Variants in TMEM248 observed in about 807,000 individuals in gnomAD.
The protein encoded by TMEM248 is transmembrane protein 248.
A neutral mutation model predicts 30.3 loss-of-function variants in TMEM248; 9 were observed. The observed-to-expected ratio is 0.30, with a 90% CI of 0.18 to 0.52. TMEM248 has a LOEUF of 0.52. TMEM248 is among the 20% of genes least tolerant of loss of function. The pLI, the probability that TMEM248 is intolerant of heterozygous loss-of-function variation, is 0.97. For missense variants in TMEM248, 338 were observed against 403.3 expected (o/e 0.84, Z 1.39); for synonymous variants, 184 against 154.4 (o/e 1.19, Z -1.42).
chr7:66,955,878 G>A lies in TMEM248; in HGVS notation c.*356G>A. The A allele has an allele frequency of 4.0e-6, 1 of 252,598 alleles. No individual in the cohort carries two copies. 15.6% of individuals were successfully genotyped at this position (252,598 alleles called of 1,614,324 possible). A position where few individuals can be genotyped will look rare whatever the true frequency, so the allele number is the denominator to read the frequency against. ...TCACAGGAGCATTGCGTCGCTGATG[G>A]GGTTGAAGTTTGGTTTGGTTCTTGT... On this transcript the variant is annotated 3_prime_UTR_variant, in exon 7 of 7. Coordinates refer to ENST00000341567, the MANE Select transcript of TMEM248 (RefSeq NM_017994.5).
At position 66,957,892 on chromosome 7, in the gene TMEM248, G is replaced by A. The variant is rs1358235392; in HGVS notation, c.*2370G>A. On this transcript the variant is annotated 3_prime_UTR_variant, in exon 7 of 7. Coordinates refer to ENST00000341567, the MANE Select transcript of TMEM248 (RefSeq NM_017994.5). The stretch of plus-strand genomic sequence containing the variant: ...TAAAATCCAACATTCACCTAAGCAA[G>A]TAATTCTTAAAGATCTTACAGAAAC... 6.6e-6 allele frequency: 1 copy of A among 152,232 alleles called. No individual in the cohort carries two copies. The highest frequency in any genetic ancestry group is 2.4e-5 in the African/African-American group (1 of 41,460). The allele number at this position is 152,232 out of a possible 1,614,324, so 9.4% of individuals were successfully genotyped here.
intron 1 of TMEM248, among the ~76,000 whole-genome samples, chr7:66,938,425 T>C (rs954362928): frequency 7.9e-5 from 12 of 152,222 alleles, no homozygotes; most frequent in African/African-American, 2.4e-4. Context: ...AATCATTGAA[T>C]TGTATACTTT....
intron 6 of TMEM248, 68 bp downstream of exon 6, chr7:66,953,437 T>C: frequency 3.2e-6 from 5 of 1,561,932 alleles, no homozygotes; most frequent in South Asian, 1.2e-5. Flanking sequence ...GTCCCAGTTA[T>C]CCTTATTCTA....
At chr7:66,944,015 G>A (rs546474652) in intron 2 of TMEM248, among the ~76,000 whole-genome samples, 25 of 151,350 alleles carry the variant, frequency 1.7e-4, no homozygotes, top group African/African-American at 5.6e-4. Context: ...TGCTGGTCTC[G>A]AACTCCTGGC....
chr7:66,955,388 A>G, intron 6 of TMEM248, 114 bp from the exon 7 acceptor site: 1 of 1,211,244 alleles, frequency 8.3e-7, no homozygotes, highest in Non-Finnish European at 1.2e-6. Context: ...GGATTTAGTA[A>G]CTTCACTGTC....
chr7:66,951,268 G>C, intron 5 of TMEM248, 133 bp downstream of exon 5: 1 of 807,836 alleles, frequency 1.2e-6, no homozygotes, highest in Non-Finnish European at 1.8e-6. Flanking sequence ...TAGATTTCCA[G>C]GTGAGTTAGG....
At chr7:66,923,266 T>G (rs999961177) in intron 1 of TMEM248, among the ~76,000 whole-genome samples, 1 of 151,972 alleles carries the variant, frequency 6.6e-6, no homozygotes, top group African/African-American at 2.4e-5. Context: ...CTGCCTCAGC[T>G]GCCTGAGTAG....
At chr7:66,954,305 T>G (rs1033492545) in intron 6 of TMEM248, among the ~76,000 whole-genome samples, 3 of 152,178 alleles carry the variant, frequency 2.0e-5, no homozygotes, top group Non-Finnish European at 4.4e-5. Flanking sequence ...TTACAGTGTA[T>G]TTTTAAAACT....
chr7:66,945,786 A>G (rs542605616), intron 3 of TMEM248, among the ~76,000 whole-genome samples: 85 of 152,136 alleles, frequency 5.6e-4, no homozygotes, highest in African/African-American at 2.0e-3. Flanking sequence ...CCCCATCACT[A>G]CTAAAATACA....
intron 4 of TMEM248, among the ~76,000 whole-genome samples, chr7:66,948,933 A>G (rs1792186604): frequency 6.6e-6 from 1 of 152,208 alleles, no homozygotes; most frequent in Non-Finnish European, 1.5e-5. Context: ...TCGAGGCAGT[A>G]AAAGCACCTG....
chr7:66,924,074 G>GCTGATTGTCATTCCTGT (rs1456576411), intron 1 of TMEM248, among the ~76,000 whole-genome samples: 1 of 152,256 alleles, frequency 6.6e-6, no homozygotes, highest in African/African-American at 2.4e-5. Context: ...TGAAAAAGAT[G>GCTGATTGTCATTCCTGT]CTGATTGTCA....
intron 1 of TMEM248, among the ~76,000 whole-genome samples, chr7:66,929,886 C>T (rs943291127): frequency 6.6e-6 from 1 of 151,950 alleles, no homozygotes; most frequent in African/African-American, 2.4e-5. Flanking sequence ...AGGAGCTGGG[C>T]GCAGTGGCTC....
In TMEM248 at chr7:66,950,976, C is replaced by CA; in HGVS notation, c.622dup (p.Thr208AsnfsTer33). ...GACAGCCACCGCACTGTGTTCCTGACACGTACAGCAACGCCACGCTCTGGT... is the reference window on the plus strand; with the variant it reads ...GACAGCCACCGCACTGTGTTCCTGACAACGTACAGCAACGCCACGCTCTGGT... On this transcript the variant is annotated frameshift_variant, in exon 5 of 7. Coordinates refer to ENST00000341567, the MANE Select transcript of TMEM248 (RefSeq NM_017994.5). LOFTEE classifies it high-confidence loss of function. 1 of 1,603,746 alleles carries CA rather than the reference C, an allele frequency of 6.2e-7. No homozygotes were observed. The highest frequency in any genetic ancestry group is 8.5e-7 in the Non-Finnish European group (1 of 1,175,608).
chr7:66,942,117 C>A, intron 2 of TMEM248, 93 bp downstream of exon 2: 1 of 1,330,028 alleles, frequency 7.5e-7, no homozygotes, highest in Non-Finnish European at 1.0e-6. Flanking sequence ...TGGGTTTTGG[C>A]CTTTCTCTCC....
At chr7:66,942,503 T>C (rs1358413893) in intron 2 of TMEM248, among the ~76,000 whole-genome samples, 1 of 152,166 alleles carries the variant, frequency 6.6e-6, no homozygotes, top group African/African-American at 2.4e-5. Context: ...TATATTTGTT[T>C]TTTGTTTTTT....
At chr7:66,936,166 C>G (rs1791798898) in intron 1 of TMEM248, among the ~76,000 whole-genome samples, 1 of 152,136 alleles carries the variant, frequency 6.6e-6, no homozygotes, top group Non-Finnish European at 1.5e-5. Context: ...CAGTTTTTCA[C>G]CATTCAGTGT....
At chr7:66,948,980 G>GGA (rs1271287629) in intron 4 of TMEM248, among the ~76,000 whole-genome samples, 1 of 152,090 alleles carries the variant, frequency 6.6e-6, no homozygotes, top group African/African-American at 2.4e-5. Flanking sequence ...CTTTCCCGCA[G>GGA]GAGTAGAAGC....
rs754417509 is a variant in TMEM248, at chr7:66,951,050, A to T, written c.695A>T (p.Asp232Val). The T allele has an allele frequency of 2.0e-5, 33 of 1,613,216 alleles. No individual in the cohort carries two copies. In the Admixed American group the frequency reaches 5.0e-4, roughly 25 times the overall value. Residue 232 changes from aspartate to valine, a missense_variant, in exon 5 of 7, where the codon GAT (aspartate) becomes GTT (valine). Asp to Val is a radical substitution (Grantham distance 152, BLOSUM62 -3). Transcript: ENST00000341567. ...GATGCCAACACAAAATACGCCCAAG[A>T]TTACAATCCTTTCTGGTGTTATAAG... is the stretch of plus-strand genomic sequence containing the variant. ...ARDANTKYAQ[D>V]YNPFWCYKGA...
At position 66,953,334 on chromosome 7, in the gene TMEM248, T is replaced by C; in HGVS notation, c.889T>C (p.Leu297=). 2 of 1,614,170 alleles carry C rather than the reference T, an allele frequency of 1.2e-6. No individual in the cohort carries two copies. The highest frequency in any genetic ancestry group is 3.3e-4 in the Middle Eastern group (2 of 6,062). ...YAVIKGRPSK[L]RQSNPEFCPE... ...TGTTATCAAGGGCAGACCTAGCAAA[T>C]TGCGTCAGAGCAATCCTGAATTTTG... is the stretch of plus-strand genomic sequence containing the variant. The change falls in exon 6 of 7, where the codon TTG becomes CTG. Residue 297 remains leucine, a synonymous_variant. Transcript: ENST00000341567.
Sources: allele counts gnomAD v4.1 joint callset (sites outside exome capture counted in the v4.1 genomes callset), GRCh38; gene constraint gnomAD v4.1.1; transcripts MANE v1.5; gene names NCBI Gene and HGNC (gene_info 2026-07-23, HGNC 2026-07-21).